EXOC4: variants seen among roughly 807,000 people sequenced by gnomAD.
EXOC4 encodes the protein exocyst complex component 4, also known as SEC8-like 1.
Under a neutral mutation model 107.2 loss-of-function variants are expected in EXOC4, and 71 were observed. The ratio of observed to expected loss-of-function variants is 0.66; its 90% CI spans 0.55 to 0.81. The LOEUF (loss-of-function observed/expected upper bound fraction) is 0.81, where lower values mean the gene tolerates loss of function less well. EXOC4 is among the 30% of genes least tolerant of loss of function. The probability of loss-of-function intolerance (pLI) is 0.00; values close to 1 mark genes in which losing one functional copy is unlikely to be tolerated. For synonymous variants in EXOC4, 456 were observed against 441.2 expected (o/e 1.03, Z -0.42); for missense variants, 1,108 against 1,189.6 (o/e 0.93, Z 1.01).
At chr7:133,527,405 C>CA (rs903758569) in intron 9 of EXOC4, among the ~76,000 whole-genome samples, 3 of 151,278 alleles carry the variant, frequency 2.0e-5, no homozygotes, top group African/African-American at 4.9e-5. Flanking sequence ...ATTCCATCTC[C>CA]AAAAAAAATA....
chr7:133,978,671 G>A (rs1793899652), intron 14 of EXOC4, among the ~76,000 whole-genome samples: 1 of 152,226 alleles, frequency 6.6e-6, no homozygotes, highest in Admixed American at 6.5e-5. Context: ...GGATAATCAG[G>A]AAATGCAGCC....
At chr7:134,042,566 G>A (rs940259763) in intron 17 of EXOC4, among the ~76,000 whole-genome samples, 1 of 152,158 alleles carries the variant, frequency 6.6e-6, no homozygotes, top group Non-Finnish European at 1.5e-5. Flanking sequence ...GAGGCCTGAG[G>A]AAGCCAGGGA....
intron 11 of EXOC4, among the ~76,000 whole-genome samples, chr7:133,844,849 T>C (rs1798092364): frequency 6.6e-6 from 1 of 152,022 alleles, no homozygotes; most frequent in Non-Finnish European, 1.5e-5. Context: ...CATTTCTGAC[T>C]AAAAAGGAGG....
chr7:134,028,890 C>T (rs1265994977), intron 17 of EXOC4, among the ~76,000 whole-genome samples: 1 of 152,232 alleles, frequency 6.6e-6, no homozygotes, highest in Non-Finnish European at 1.5e-5. Context: ...GTGGTCTAAT[C>T]TAGACACCTA....
intron 10 of EXOC4, among the ~76,000 whole-genome samples, chr7:133,679,652 A>G (rs1387877476): frequency 2.0e-5 from 3 of 152,002 alleles, no homozygotes; most frequent in South Asian, 4.1e-4. Context: ...CTTGAATTCC[A>G]CCTTTTCCTC....
chr7:133,260,748 G>T (rs1478038762), intron 1 of EXOC4, among the ~76,000 whole-genome samples: 1 of 152,094 alleles, frequency 6.6e-6, no homozygotes, highest in East Asian at 1.9e-4. Context: ...TCCATGGATG[G>T]ATGGTATATG....
chr7:133,716,411 T>A (rs1213873788), intron 10 of EXOC4, among the ~76,000 whole-genome samples: 1 of 152,192 alleles, frequency 6.6e-6, no homozygotes, highest in Admixed American at 6.5e-5. Flanking sequence ...TAGAAAAATG[T>A]AAGAGCAAAA....
intron 2 of EXOC4, among the ~76,000 whole-genome samples, chr7:133,284,688 T>C (rs1177224657): frequency 2.6e-5 from 4 of 152,006 alleles, no homozygotes; most frequent in Non-Finnish European, 5.9e-5. Context: ...CCCGCCACCA[T>C]GCCTGGCTAA....
intron 11 of EXOC4, among the ~76,000 whole-genome samples, chr7:133,854,819 A>C (rs1046090299): frequency 6.6e-6 from 1 of 150,416 alleles, no homozygotes; most frequent in African/African-American, 2.5e-5. Flanking sequence ...CAATAAAAAA[A>C]AAAACTTGCC....
intron 7 of EXOC4, among the ~76,000 whole-genome samples, chr7:133,451,182 A>G (rs1390448491): frequency 2.0e-5 from 3 of 150,878 alleles, no homozygotes; most frequent in Admixed American, 6.6e-5. Context: ...TTCTGGCTGT[A>G]TTGTGTGTGG....
intron 10 of EXOC4, among the ~76,000 whole-genome samples, chr7:133,688,318 T>C (rs1794349958): frequency 6.6e-6 from 1 of 152,168 alleles, no homozygotes. Context: ...CTTTGATCAA[T>C]GCATATGTTT....
intron 9 of EXOC4, among the ~76,000 whole-genome samples, chr7:133,540,137 A>G (rs1286270283): frequency 2.0e-5 from 3 of 152,120 alleles, no homozygotes; most frequent in Non-Finnish European, 2.9e-5. Context: ...ATTTTTTGTT[A>G]TTACTATTGC....
At chr7:134,092,516 C>A in the EXOC4 span, among the ~76,000 whole-genome samples, 432 of 152,188 alleles carry the variant, frequency 2.8e-3, 2 homozygotes, top group Non-Finnish European at 4.0e-3. Flanking sequence ...ATCTACTCAG[C>A]AGAAACCTTA....
intron 2 of EXOC4, among the ~76,000 whole-genome samples, chr7:133,275,682 T>G (rs1793973742): frequency 6.6e-6 from 1 of 152,238 alleles, no homozygotes; most frequent in Non-Finnish European, 1.5e-5. Flanking sequence ...GAAGCGAGAA[T>G]GTCTCCTACA....
chr7:133,804,003 C>CATTTTGTT (rs1797010997), intron 10 of EXOC4, among the ~76,000 whole-genome samples: 2 of 152,068 alleles, frequency 1.3e-5, no homozygotes, highest in African/African-American at 4.8e-5. Context: ...TACTCCAACC[C>CATTTTGTT]ATTTTGTTAT....
intron 9 of EXOC4, among the ~76,000 whole-genome samples, chr7:133,527,018 G>C (rs1800093003): frequency 6.6e-6 from 1 of 151,984 alleles, no homozygotes; most frequent in African/African-American, 2.4e-5. Flanking sequence ...AGATGATAAT[G>C]GAAAAGGGGG....
intron 10 of EXOC4, among the ~76,000 whole-genome samples, chr7:133,710,642 AGAGT>A (rs1475591285): frequency 3.4e-5 from 5 of 145,896 alleles, no homozygotes; most frequent in African/African-American, 1.3e-4. Context: ...CCTGGGCGAC[AGAGT>A]GAGACTCTGT....
chr7:133,697,021 A>G (rs889204490), intron 10 of EXOC4, among the ~76,000 whole-genome samples: 2 of 152,202 alleles, frequency 1.3e-5, no homozygotes, highest in African/African-American at 2.4e-5. Context: ...TGGCTGCATC[A>G]TGTTACTTAG....
intron 14 of EXOC4, among the ~76,000 whole-genome samples, chr7:133,982,132 A>G (rs950306479): frequency 1.3e-5 from 2 of 152,344 alleles, no homozygotes; most frequent in East Asian, 1.9e-4. Flanking sequence ...ATCAGAAAAA[A>G]TAACTACTGG....
Sources: gnomAD v4.1 joint callset for allele counts (sites outside exome capture counted in the v4.1 genomes callset) on GRCh38, gnomAD v4.1.1 for gene constraint, MANE v1.5 for transcripts, NCBI Gene and HGNC (gene_info 2026-07-23, HGNC 2026-07-21) for gene names.